NBEAL1: variants seen among roughly 807,000 people sequenced by gnomAD.
NBEAL1 encodes neurobeachin like 1.
Under a neutral mutation model 351.3 loss-of-function variants are expected in NBEAL1, and 273 were observed. The ratio of observed to expected loss-of-function variants is 0.78; its 90% CI spans 0.70 to 0.86. NBEAL1 has a LOEUF of 0.86. Among genes scored for constraint, NBEAL1 ranks in the 40% least tolerant of loss-of-function variants. NBEAL1 has a pLI of 0.00. For synonymous variants in NBEAL1, 1,050 were observed against 1,086.4 expected, an observed-to-expected ratio of 0.97 and a Z score of 0.66; for missense variants, 2,961 against 3,201.3, an observed-to-expected ratio of 0.92 and a Z score of 1.81.
chr2:203,029,768 C>T (rs370500286), intron 2 of NBEAL1, among the ~76,000 whole-genome samples: 7 of 151,636 alleles, frequency 4.6e-5, no homozygotes, highest in African/African-American at 1.4e-4. Context: ...TTGGTGTATT[C>T]TAAGCCTATT....
chr2:203,015,274 C>T (rs2060658493), intron 1 of NBEAL1, among the ~76,000 whole-genome samples: 1 of 152,184 alleles, frequency 6.6e-6, no homozygotes, highest in Admixed American at 6.5e-5. Flanking sequence ...TTCCCCCAAA[C>T]ACTTGGATGC....
intron 2 of NBEAL1, among the ~76,000 whole-genome samples, chr2:203,029,234 C>T (rs1465609447): frequency 6.6e-6 from 1 of 152,160 alleles, no homozygotes; most frequent in African/African-American, 2.4e-5. Flanking sequence ...AAGTGCTCTG[C>T]CCGCCTCAGC....
chr2:203,149,263 G>T lies in NBEAL1; in HGVS notation c.5462+115G>T, dbSNP rs1056145087. 17 of 689,702 alleles carry T rather than the reference G, an allele frequency of 2.5e-5. No individual in the cohort carries two copies. The African/African-American group carries it at 2.9e-4, about 12-fold the overall frequency. The allele number at this position is 689,702 out of a possible 1,614,324, so 42.7% of individuals were successfully genotyped here. A position where few individuals can be genotyped will look rare whatever the true frequency, so the allele number is the denominator to read the frequency against. ...TCTTAAATGTTCAATTCATAAAAGGGTGCTTTTAATCTTATTTATTGTCTT... is the reference window on the plus strand; with the variant it reads ...TCTTAAATGTTCAATTCATAAAAGGTTGCTTTTAATCTTATTTATTGTCTT... On this transcript the variant is annotated intron_variant, in intron 34 of 55. Coordinates refer to ENST00000683969, the MANE Select transcript of NBEAL1 (RefSeq NM_001378026.1).
intron 27 of NBEAL1, among the ~76,000 whole-genome samples, chr2:203,133,349 G>A (rs192601477): frequency 3.3e-5 from 5 of 151,950 alleles, no homozygotes; most frequent in East Asian, 3.9e-4. Context: ...TTAGTTCTTC[G>A]TGGTCTCCTG....
At chr2:203,055,821 A>G (rs776078894) in intron 4 of NBEAL1, among the ~76,000 whole-genome samples, 8 of 152,330 alleles carry the variant, frequency 5.3e-5, no homozygotes, top group Non-Finnish European at 1.0e-4. Context: ...ATGAGGGACC[A>G]TATTTTAGTT....
intron 42 of NBEAL1, among the ~76,000 whole-genome samples, chr2:203,176,729 C>CAAA (rs10655926): frequency 0.092 from 12,192 of 132,952 alleles, 659 homozygotes; most frequent in Non-Finnish European, 0.12. Context: ...GAAACTGTCT[C>CAAA]AAAAAAAAAA....
At position 203,138,156 on chromosome 2, in the gene NBEAL1, A is replaced by G; in HGVS notation, c.4566-6A>G. On this transcript the variant is annotated splice_polypyrimidine_tract_variant and splice_region_variant and intron_variant, in intron 29 of 55. Transcript: ENST00000683969. Reference sequence around the variant, plus strand: ...TGGTTTTAAGAGGACTTTGTTTTCCATTTAGTTTGCTACAAAAGATGTTAG... The same window carrying G: ...TGGTTTTAAGAGGACTTTGTTTTCCGTTTAGTTTGCTACAAAAGATGTTAG... The G allele has an allele frequency of 6.2e-7, 1 of 1,612,904 alleles. No individual in the cohort carries two copies. The highest frequency in any genetic ancestry group is 8.5e-7 in the Non-Finnish European group (1 of 1,179,720).
intron 51 of NBEAL1, among the ~76,000 whole-genome samples, chr2:203,203,995 C>G (rs1041966014): frequency 1.3e-5 from 2 of 151,252 alleles, no homozygotes. Context: ...GTGGCGCAAG[C>G]TTGGCTCACT....
intron 54 of NBEAL1, among the ~76,000 whole-genome samples, chr2:203,211,846 C>A (rs2065796958): frequency 6.6e-6 from 1 of 151,980 alleles, no homozygotes; most frequent in Non-Finnish European, 1.5e-5. Context: ...GTCATTTAAT[C>A]TAGTGAAGGA....
intron 34 of NBEAL1, 87 bp downstream of exon 34, chr2:203,149,235 A>G (rs926494887): frequency 1.3e-5 from 11 of 866,518 alleles, no homozygotes; most frequent in African/African-American, 6.8e-5. Context: ...TTTCACTCCA[A>G]TTTCTTAAAT....
intron 4 of NBEAL1, among the ~76,000 whole-genome samples, chr2:203,054,083 A>G (rs1173688552): frequency 1.3e-5 from 2 of 152,156 alleles, no homozygotes; most frequent in African/African-American, 4.8e-5. Flanking sequence ...CAGCCTCCTG[A>G]GTAGCTGGGA....
At chr2:203,065,018 G>A (rs2061558073) in intron 6 of NBEAL1, among the ~76,000 whole-genome samples, 1 of 152,144 alleles carries the variant, frequency 6.6e-6, no homozygotes, top group Non-Finnish European at 1.5e-5. Context: ...AACACTTTGG[G>A]AGGCTGAGGT....
At chr2:203,177,061 G>T (rs2064529125) in intron 42 of NBEAL1, among the ~76,000 whole-genome samples, 1 of 150,764 alleles carries the variant, frequency 6.6e-6, no homozygotes, top group Admixed American at 6.6e-5. Flanking sequence ...TGAGGTGGGA[G>T]GATAGATTGA....
chr2:203,126,470 A>G (rs540902531), intron 21 of NBEAL1, 87 bp from the exon 22 acceptor site: 38 of 1,032,326 alleles, frequency 3.7e-5, no homozygotes, highest in Non-Finnish European at 4.5e-5. Context: ...TATACTTAGT[A>G]GATGTTCTGA....
chr2:203,211,613 TAGCCTGGA>T (rs1165019837), intron 54 of NBEAL1, among the ~76,000 whole-genome samples: 1 of 152,160 alleles, frequency 6.6e-6, no homozygotes, highest in Non-Finnish European at 1.5e-5. Context: ...AACTGCACTG[TAGCCTGGA>T]CAACACAGCA....
chr2:203,197,362 T>G lies in NBEAL1; in HGVS notation c.7099T>G (p.Phe2367Val). 1 of 1,604,018 alleles carries G rather than the reference T, an allele frequency of 6.2e-7. No individual in the cohort carries two copies. Among genetic ancestry groups the G allele is most frequent in the Admixed American group, 1.7e-5 (1 of 60,002 alleles). Reference sequence around the variant, plus strand: ...CATCCCCAAAAATCAGTATCGTTCTTTTATGTCTCAAGGCAGCCCTGAGTT... The same window carrying G: ...CATCCCCAAAAATCAGTATCGTTCTGTTATGTCTCAAGGCAGCCCTGAGTT... Reference protein sequence around the residue: ...ATIPKNQYRSFMSQGSPELLI... With the variant: ...ATIPKNQYRSVMSQGSPELLI... The change falls in exon 48 of 56, where the codon TTT becomes GTT. Residue 2367 changes from phenylalanine to valine, a missense_variant. Physicochemically the swap from Phe to Val is conservative, Grantham distance 50. Coordinates refer to ENST00000683969, the MANE Select transcript of NBEAL1 (RefSeq NM_001378026.1).
At chr2:203,125,070 T>A (rs1033973841) in intron 19 of NBEAL1, among the ~76,000 whole-genome samples, 1 of 152,172 alleles carries the variant, frequency 6.6e-6, no homozygotes, top group African/African-American at 2.4e-5. Flanking sequence ...AAAGTCCACT[T>A]ATGGGGCTAT....
At chr2:203,065,724 C>A (rs983653370) in intron 6 of NBEAL1, among the ~76,000 whole-genome samples, 1 of 151,928 alleles carries the variant, frequency 6.6e-6, no homozygotes, top group Non-Finnish European at 1.5e-5. Flanking sequence ...TGCACTCCAG[C>A]CTGGGCGACA....
At chr2:203,181,840 CTCAG>C (rs1376884338) in intron 43 of NBEAL1, 1 of 152,186 alleles carries the variant, frequency 6.6e-6, no homozygotes, top group African/African-American at 2.4e-5. Flanking sequence ...ATCCTAAACT[CTCAG>C]TCAGCTATTG....
Sources: allele counts gnomAD v4.1 joint callset (sites outside exome capture counted in the v4.1 genomes callset), GRCh38; gene constraint gnomAD v4.1.1; transcripts MANE v1.5; gene names NCBI Gene and HGNC (gene_info 2026-07-23, HGNC 2026-07-21).